SEMA6D: variants seen among roughly 807,000 people sequenced by gnomAD.
The protein encoded by SEMA6D is semaphorin 6D.
A neutral mutation model predicts 106.6 loss-of-function variants in SEMA6D; 35 were observed. That is an observed-to-expected ratio of 0.33 (90% CI 0.25 to 0.44). The LOEUF (loss-of-function observed/expected upper bound fraction) is 0.44. Ranked by LOEUF, SEMA6D falls within the 20% of genes least tolerant of loss-of-function variation. The probability of loss-of-function intolerance (pLI) is 1.00; values close to 1 mark genes in which losing one functional copy is unlikely to be tolerated. For synonymous variants in SEMA6D, 499 were observed against 487.7 expected (o/e 1.02, Z -0.31); for missense variants, 1,185 against 1,345.9 (o/e 0.88, Z 1.87).
intron 3 of SEMA6D, among the ~76,000 whole-genome samples, chr15:47,515,664 G>T (rs1271321561): frequency 6.6e-6 from 1 of 152,168 alleles, no homozygotes; most frequent in East Asian, 1.9e-4. Flanking sequence ...TTCAGCAAAG[G>T]CAGAGTTTGT....
chr15:47,390,898 C>G (rs12901436), intron 1 of SEMA6D, among the ~76,000 whole-genome samples: 33,283 of 152,042 alleles, frequency 0.22, 3,918 homozygotes, highest in Middle Eastern at 0.33. Context: ...AATTAATAAC[C>G]GAGAAGCAGG....
At chr15:47,461,843 A>G (rs1281966292) in intron 2 of SEMA6D, among the ~76,000 whole-genome samples, 1 of 152,060 alleles carries the variant, frequency 6.6e-6, no homozygotes, top group African/African-American at 2.4e-5. Context: ...TGAAGAATGT[A>G]TATGTTTCTG....
intron 1 of SEMA6D, among the ~76,000 whole-genome samples, chr15:47,250,355 AGAGGGAGAGAGG>A (rs1566950981): frequency 6.6e-6 from 1 of 151,676 alleles, no homozygotes; most frequent in African/African-American, 2.4e-5. Flanking sequence ...AAAGAGAGGG[AGAGGGAGAGAGG>A]GAGGGAGAGA....
chr15:47,506,838 GC>G (rs1203450642), intron 3 of SEMA6D, among the ~76,000 whole-genome samples: 1 of 152,034 alleles, frequency 6.6e-6, no homozygotes, highest in Non-Finnish European at 1.5e-5. Flanking sequence ...TATTCCTGTT[GC>G]CATATTTACA....
chr15:47,185,622 C>G (rs574869145), intron 1 of SEMA6D: 1 of 152,230 alleles, frequency 6.6e-6, no homozygotes, highest in East Asian at 1.9e-4. Context: ...TACAAATGGC[C>G]AAGCACTGGT....
At chr15:47,401,059 G>A (rs1334855412) in intron 1 of SEMA6D, among the ~76,000 whole-genome samples, 1 of 152,148 alleles carries the variant, frequency 6.6e-6, no homozygotes, top group Non-Finnish European at 1.5e-5. Flanking sequence ...GCTAGTAATG[G>A]TAGCCTACCT....
intron 1 of SEMA6D, among the ~76,000 whole-genome samples, chr15:47,276,114 A>G (rs1438485947): frequency 1.3e-5 from 2 of 152,132 alleles, no homozygotes; most frequent in South Asian, 2.1e-4. Context: ...CTAAGAAGAA[A>G]AGTTTGAAGC....
Position 47,763,043 on chromosome 15 carries a change from A to G in SEMA6D, c.686A>G (p.Tyr229Cys), listed in dbSNP as rs1485615504. ...CCACACTTTCTTCATGCCATAGAAT[A>G]TGGAAACTATGTCTATTTCTTCTTT... ...KEPHFLHAIEYGNYVYFFFRE... is the reference protein window; with the variant it reads ...KEPHFLHAIECGNYVYFFFRE... The change falls in exon 9 of 19, where the codon TAT becomes TGT. Residue 229 changes from tyrosine (Y) to cysteine (C), a missense_variant. This residue lies in a region of SEMA6D where 291 missense variants were observed against 423.8 expected (regional missense o/e 0.69). Transcript: ENST00000536845. 2 of 1,612,150 alleles carry G rather than the reference A, an allele frequency of 1.2e-6. No homozygotes were observed. Among genetic ancestry groups the G allele is most frequent in the African/African-American group, 1.3e-5 (1 of 74,950 alleles).
In SEMA6D at chr15:47,771,032, T is replaced by C. The variant is rs760077016; in HGVS notation, c.2469T>C (p.His823=). The C allele has an allele frequency of 1.3e-5, 21 of 1,614,152 alleles. No homozygotes were observed. Among genetic ancestry groups the C allele is most frequent in the Non-Finnish European group, 1.8e-5 (21 of 1,179,996 alleles). Residue 823 remains histidine, a synonymous_variant, in exon 19 of 19, where the codon CAT becomes CAC. Transcript: ENST00000536845. ...CTCATTCCCCATTAAGTCATGGGCA[T>C]ATCCCCAGTGCCATTGTTCTTCCAA... is the stretch of plus-strand genomic sequence containing the variant. ...PPPHSPLSHG[H]IPSAIVLPNA...
At chr15:47,622,538 C>A (rs2077125895) in intron 4 of SEMA6D, among the ~76,000 whole-genome samples, 2 of 152,138 alleles carry the variant, frequency 1.3e-5, no homozygotes, top group Admixed American at 1.3e-4. Flanking sequence ...CTTCTCCTTG[C>A]TCCTGATATC....
At chr15:47,721,901 A>G (rs1409512593) in intron 1 of SEMA6D, among the ~76,000 whole-genome samples, 1 of 152,114 alleles carries the variant, frequency 6.6e-6, no homozygotes, top group Non-Finnish European at 1.5e-5. Context: ...CTTGGCTACA[A>G]CAGGCTGCTG....
chr15:47,308,264 A>G (rs991899235), intron 1 of SEMA6D, among the ~76,000 whole-genome samples: 2 of 152,130 alleles, frequency 1.3e-5, no homozygotes, highest in African/African-American at 4.8e-5. Context: ...CCACATGGCC[A>G]TTGTATGTTG....
chr15:47,671,666 T>C (rs2078140217), intron 4 of SEMA6D, among the ~76,000 whole-genome samples: 1 of 152,096 alleles, frequency 6.6e-6, no homozygotes, highest in Non-Finnish European at 1.5e-5. Context: ...AAAGGATGGA[T>C]TGAAATGGGA....
intron 4 of SEMA6D, among the ~76,000 whole-genome samples, chr15:47,692,951 G>A (rs1053057674): frequency 6.6e-6 from 1 of 152,116 alleles, no homozygotes; most frequent in African/African-American, 2.4e-5. Flanking sequence ...AAGGAGTAGA[G>A]AGTATCCCTC....
chr15:47,283,363 A>C (rs1268150069), intron 1 of SEMA6D, among the ~76,000 whole-genome samples: 1 of 152,126 alleles, frequency 6.6e-6, no homozygotes, highest in East Asian at 1.9e-4. Flanking sequence ...GTGACACCAC[A>C]AGCTGTTTGG....
chr15:47,575,765 G>T (rs1433793788), intron 3 of SEMA6D, among the ~76,000 whole-genome samples: 1 of 151,934 alleles, frequency 6.6e-6, no homozygotes, highest in African/African-American at 2.4e-5. Context: ...CACAGTAAGG[G>T]CTTTGAGTGG....
intron 1 of SEMA6D, among the ~76,000 whole-genome samples, chr15:47,228,425 A>T (rs1433521348): frequency 1.3e-5 from 2 of 151,936 alleles, no homozygotes; most frequent in African/African-American, 4.8e-5. Flanking sequence ...AGATCAAATA[A>T]GATGTTAAAT....
At chr15:47,657,810 G>T (rs774707784) in intron 4 of SEMA6D, among the ~76,000 whole-genome samples, 1 of 124,548 alleles carries the variant, frequency 8.0e-6, no homozygotes, top group African/African-American at 3.1e-5. Context: ...GGCAGATCTC[G>T]GCTCACTGCA....
chr15:47,389,169 C>T (rs1280637272), intron 1 of SEMA6D, among the ~76,000 whole-genome samples: 2 of 152,188 alleles, frequency 1.3e-5, no homozygotes, highest in African/African-American at 2.4e-5. Context: ...TCAGTTTTCT[C>T]GTATGTAAAA....
Sources: gnomAD v4.1 joint callset for allele counts (sites outside exome capture counted in the v4.1 genomes callset) on GRCh38, gnomAD v4.1.1 for gene constraint, gnomAD v4.1.1 regional missense constraint, MANE v1.5 for transcripts, NCBI Gene and HGNC (gene_info 2026-07-23, HGNC 2026-07-21) for gene names.